GALNT10: variants seen among roughly 807,000 people sequenced by gnomAD.
GALNT10 encodes the protein GalNAc transferase 10.
A neutral mutation model predicts 75.0 loss-of-function variants in GALNT10; 41 were observed. The observed-to-expected ratio is 0.55, with a 90% CI of 0.43 to 0.71. The LOEUF (loss-of-function observed/expected upper bound fraction) is 0.71. Ranked by LOEUF, GALNT10 falls within the 30% of genes least tolerant of loss-of-function variation. The pLI is 0.00. For synonymous variants in GALNT10, 302 were observed against 313.0 expected (o/e 0.96, Z 0.37); for missense variants, 727 against 818.5 (o/e 0.89, Z 1.36).
At chr5:154,365,391 T>G (rs1755459982) in intron 4 of GALNT10, among the ~76,000 whole-genome samples, 1 of 152,130 alleles carries the variant, frequency 6.6e-6, no homozygotes, top group Non-Finnish European at 1.5e-5. Context: ...CAGCCACTCA[T>G]TTTCAGAAAA....
chr5:154,250,711 T>C (rs1354719145), intron 1 of GALNT10, among the ~76,000 whole-genome samples: 5 of 152,182 alleles, frequency 3.3e-5, no homozygotes, highest in African/African-American at 1.2e-4. Context: ...GTGTCAATCC[T>C]TGTTGAGAAA....
chr5:154,316,955 C>T (rs1419575840), intron 3 of GALNT10, among the ~76,000 whole-genome samples: 4 of 152,174 alleles, frequency 2.6e-5, no homozygotes, highest in Non-Finnish European at 5.9e-5. Flanking sequence ...TTGTCCTCCA[C>T]ATTTACCCAT....
At chr5:154,238,763 A>G (rs1753288393) in intron 1 of GALNT10, among the ~76,000 whole-genome samples, 1 of 152,160 alleles carries the variant, frequency 6.6e-6, no homozygotes, top group East Asian at 1.9e-4. Flanking sequence ...TTTTTATTTT[A>G]GTTGTACTAA....
At chr5:154,342,888 C>T (rs1755055599) in intron 4 of GALNT10, among the ~76,000 whole-genome samples, 1 of 152,194 alleles carries the variant, frequency 6.6e-6, no homozygotes. Context: ...CCTTGAGAGG[C>T]TGTTATTATG....
In GALNT10 at chr5:154,409,182, C is replaced by A. The variant is rs914133767; in HGVS notation, c.1165-359C>A. ...TTGACCAGCCCCTGCACCGGGGGCG[C>A]CTGTATTCACATTAGCTAGGCTGGG... is the stretch of plus-strand genomic sequence containing the variant. On this transcript the variant is annotated intron_variant, in intron 8 of 11. Transcript: ENST00000297107. This position sits in a 1 kb window ranked among gnomAD's most constrained non-coding sequence, Gnocchi z 4.5. 1.3e-5 allele frequency among the ~76,000 whole-genome samples: 2 copies of A among 152,196 alleles called. No individual in the cohort carries two copies.
At chr5:154,393,076 A>AAAAAAAAAAACCCATTTTTTTTC (rs1361485484) in intron 7 of GALNT10, 1 of 145,206 alleles carries the variant, frequency 6.9e-6, no homozygotes, top group Non-Finnish European at 1.5e-5. Flanking sequence ...AAAAAAAAAA[A>AAAAAAAAAAACCCATTTTTTTTC]AACCCATTTT....
Position 154,233,333 on chromosome 5 carries a change from C to T in GALNT10, c.159+42308C>T, listed in dbSNP as rs550573451. ...TGTTCTAGGGCTTGTCCTTTGAGTG[C>T]GGCAGAAATGGTATTACAAGGAAAT... On this transcript the variant is annotated intron_variant, in intron 1 of 11. Coordinates refer to ENST00000297107, the MANE Select transcript of GALNT10 (RefSeq NM_198321.4). Among the ~76,000 whole-genome samples the T allele has an allele frequency of 5.3e-5, 8 of 152,022 alleles. No individual in the cohort carries two copies. In the East Asian group the frequency reaches 5.8e-4, roughly 11 times the overall value.
At chr5:154,374,731 C>A (rs897598110) in intron 4 of GALNT10, among the ~76,000 whole-genome samples, 1 of 149,514 alleles carries the variant, frequency 6.7e-6, no homozygotes, top group Non-Finnish European at 1.5e-5. Context: ...GGAGGGAAAG[C>A]CTTCTCTTTT....
intron 4 of GALNT10, among the ~76,000 whole-genome samples, chr5:154,336,144 G>A (rs1458125702): frequency 1.3e-5 from 2 of 152,168 alleles, no homozygotes; most frequent in African/African-American, 4.8e-5. Flanking sequence ...ATTCCTCCAT[G>A]TCTTTTTATG....
chr5:154,383,950 G>T (rs1458950205), intron 6 of GALNT10, among the ~76,000 whole-genome samples: 6 of 152,184 alleles, frequency 3.9e-5, no homozygotes, highest in Non-Finnish European at 7.3e-5. Flanking sequence ...CCACATGGCT[G>T]GGGAGGCCTC....
At chr5:154,405,963 A>G (rs976397189) in intron 8 of GALNT10, 13 of 151,438 alleles carry the variant, frequency 8.6e-5, no homozygotes, top group African/African-American at 2.9e-4. Context: ...AATTCAGTGG[A>G]TAAGAGCTAA....
chr5:154,382,006 G>A (rs770336411), intron 6 of GALNT10, among the ~76,000 whole-genome samples: 1 of 152,184 alleles, frequency 6.6e-6, no homozygotes, highest in Non-Finnish European at 1.5e-5. Context: ...CACAGGTTCC[G>A]GAGATTCAGA....
At chr5:154,317,302 T>G (rs1446213185) in intron 3 of GALNT10, among the ~76,000 whole-genome samples, 1 of 152,256 alleles carries the variant, frequency 6.6e-6, no homozygotes, top group Admixed American at 6.5e-5. Context: ...TTGTTCTATT[T>G]CAAAGTTTAC....
chr5:154,318,605 C>T (rs1754631676), intron 3 of GALNT10, among the ~76,000 whole-genome samples: 1 of 152,212 alleles, frequency 6.6e-6, no homozygotes, highest in Non-Finnish European at 1.5e-5. Flanking sequence ...AATTAAATGA[C>T]TTAATGCATA....
intron 1 of GALNT10, among the ~76,000 whole-genome samples, chr5:154,200,177 C>G (rs534435735): frequency 1.3e-5 from 2 of 152,144 alleles, no homozygotes; most frequent in Non-Finnish European, 2.9e-5. Flanking sequence ...GTTGTTGGCT[C>G]CAGAAAGCTC....
intron 1 of GALNT10, among the ~76,000 whole-genome samples, chr5:154,241,323 G>A (rs893363885): frequency 6.6e-6 from 1 of 152,112 alleles, no homozygotes; most frequent in South Asian, 2.1e-4. Flanking sequence ...GTGGAAAGGG[G>A]CAGAGAGGGG....
intron 1 of GALNT10, among the ~76,000 whole-genome samples, chr5:154,238,844 A>G (rs1426444126): frequency 1.3e-5 from 2 of 152,194 alleles, no homozygotes; most frequent in African/African-American, 4.8e-5. Context: ...TATATCCTTC[A>G]TAATATGACT....
At chr5:154,230,628 T>C (rs958976596) in intron 1 of GALNT10, among the ~76,000 whole-genome samples, 2 of 152,212 alleles carry the variant, frequency 1.3e-5, no homozygotes, top group African/African-American at 4.8e-5. Flanking sequence ...AAGCCCACAG[T>C]TCTGTGCTTC....
At chr5:154,383,279 G>A (rs1204638547) in intron 6 of GALNT10, among the ~76,000 whole-genome samples, 1 of 152,136 alleles carries the variant, frequency 6.6e-6, no homozygotes, top group African/African-American at 2.4e-5. Flanking sequence ...CCAGCAAGTG[G>A]GCAATCTACA....
Sources: gnomAD v4.1 joint callset for allele counts (sites outside exome capture counted in the v4.1 genomes callset) on GRCh38, gnomAD v4.1.1 for gene constraint, Gnocchi (gnomAD v3.1) non-coding constraint, MANE v1.5 for transcripts, NCBI Gene and HGNC (gene_info 2026-07-23, HGNC 2026-07-21) for gene names.